DGKB: variants seen among roughly 807,000 people sequenced by gnomAD.
DGKB encodes 90 kDa diacylglycerol kinase.
A neutral mutation model predicts 114.3 loss-of-function variants in DGKB; 67 were observed. The ratio of observed to expected loss-of-function variants is 0.59; its 90% confidence interval spans 0.48 to 0.72. The LOEUF is 0.72. Ranked by LOEUF, DGKB falls within the 30% of genes least tolerant of loss-of-function variation. The pLI is 0.00. For missense variants in DGKB, 907 were observed against 975.2 expected, an observed-to-expected ratio of 0.93 and a Z score of 0.93; for synonymous variants, 398 against 323.1, an observed-to-expected ratio of 1.23 and a Z score of -2.49.
At chr7:14,406,359 G>A (rs773738606) in intron 21 of DGKB, among the ~76,000 whole-genome samples, 1 of 151,910 alleles carries the variant, frequency 6.6e-6, no homozygotes, top group Non-Finnish European at 1.5e-5. Flanking sequence ...TTAATACTTT[G>A]GGAAAATAAT....
chr7:14,546,750 A>G (rs1794352734), intron 20 of DGKB, among the ~76,000 whole-genome samples: 1 of 152,210 alleles, frequency 6.6e-6, no homozygotes, highest in Admixed American at 6.5e-5. Context: ...GAAAGATGCA[A>G]CAAGTGATAT....
chr7:14,164,593 A>C (rs1009685410), intron 25 of DGKB, among the ~76,000 whole-genome samples: 1 of 152,196 alleles, frequency 6.6e-6, no homozygotes, highest in Admixed American at 6.5e-5. Flanking sequence ...TAATTATGAA[A>C]GTTAAACATT....
chr7:14,463,832 C>A (rs1159567211), intron 21 of DGKB, among the ~76,000 whole-genome samples: 1 of 152,206 alleles, frequency 6.6e-6, no homozygotes, highest in African/African-American at 2.4e-5. Context: ...CCAGAAAAAT[C>A]ATTTAGTAGA....
intron 5 of DGKB, among the ~76,000 whole-genome samples, chr7:14,723,064 G>A (rs921052980): frequency 6.7e-6 from 1 of 148,980 alleles, no homozygotes; most frequent in African/African-American, 2.5e-5. Flanking sequence ...TCTGGCTGAA[G>A]CTCACTACTT....
At chr7:14,900,541 C>T (rs1241879284) in intron 1 of DGKB, among the ~76,000 whole-genome samples, 1 of 152,122 alleles carries the variant, frequency 6.6e-6, no homozygotes, top group Admixed American at 6.6e-5. Flanking sequence ...CAGCAGCTAT[C>T]TTCATCTGGC....
chr7:14,841,893 T>G (rs1187586810), intron 1 of DGKB, among the ~76,000 whole-genome samples: 1 of 152,168 alleles, frequency 6.6e-6, no homozygotes, highest in Non-Finnish European at 1.5e-5. Flanking sequence ...AGCAATCAAA[T>G]AAAGATTAAG....
At chr7:14,617,924 T>C (rs961795108) in intron 15 of DGKB, among the ~76,000 whole-genome samples, 4 of 151,688 alleles carry the variant, frequency 2.6e-5, no homozygotes, top group Non-Finnish European at 4.4e-5. Context: ...ATCTTTCTTA[T>C]CTTACTCAGC....
At chr7:14,787,521 C>A (rs1043576141) in intron 2 of DGKB, among the ~76,000 whole-genome samples, 1 of 152,136 alleles carries the variant, frequency 6.6e-6, no homozygotes, top group Non-Finnish European at 1.5e-5. Context: ...CATTGTTTCA[C>A]CACTGACAGA....
At chr7:14,365,190 A>C (rs1427366582) in intron 21 of DGKB, among the ~76,000 whole-genome samples, 3 of 151,936 alleles carry the variant, frequency 2.0e-5, no homozygotes, top group African/African-American at 7.2e-5. Flanking sequence ...AATGAGAATA[A>C]ATTTATTAAT....
intron 1 of DGKB, among the ~76,000 whole-genome samples, chr7:14,844,913 C>G (rs1848428512): frequency 6.6e-6 from 1 of 151,948 alleles, no homozygotes. Context: ...TCTAGACCAG[C>G]CTGGGCAACA....
At chr7:14,343,771 T>TA (rs1037471660) in intron 22 of DGKB, among the ~76,000 whole-genome samples, 1 of 150,524 alleles carries the variant, frequency 6.6e-6, no homozygotes, top group African/African-American at 2.4e-5. Context: ...GCAGTTTTTT[T>TA]AAAAAAATAA....
chr7:14,642,700 T>C (rs1382155137), intron 13 of DGKB, among the ~76,000 whole-genome samples: 4 of 152,332 alleles, frequency 2.6e-5, no homozygotes, highest in African/African-American at 4.8e-5. Context: ...TTGAATGGTA[T>C]TGTGAAATAA....
chr7:14,242,619 A>C (rs980709959), intron 23 of DGKB, among the ~76,000 whole-genome samples: 1 of 152,174 alleles, frequency 6.6e-6, no homozygotes, highest in East Asian at 1.9e-4. Context: ...GGTTGTTCAT[A>C]AATTATATTA....
At chr7:14,760,118 T>C (rs1318054743) in intron 2 of DGKB, among the ~76,000 whole-genome samples, 2 of 152,142 alleles carry the variant, frequency 1.3e-5, no homozygotes, top group African/African-American at 4.8e-5. Flanking sequence ...GTCTTTTTGT[T>C]GTGGACATCC....
rs1436223158 is a variant in DGKB, at chr7:14,667,204, C to T, written c.1134+5725G>A. On this transcript the variant is annotated intron_variant, in intron 13 of 25. Coordinates refer to ENST00000402815, the MANE Select transcript of DGKB (RefSeq NM_001350709.2). ...CAACGATTGGGGAGGAATGGGAAGG[C>T]TGAGAAGGGTGGTACAAATTTTTTT... Among the ~76,000 whole-genome samples the T allele has an allele frequency of 2.0e-5, 3 of 151,816 alleles. No homozygotes were observed. In the East Asian group the frequency reaches 5.8e-4, roughly 29 times the overall value.
chr7:14,464,300 C>T (rs909828936), intron 21 of DGKB, among the ~76,000 whole-genome samples: 1 of 152,056 alleles, frequency 6.6e-6, no homozygotes, highest in African/African-American at 2.4e-5. Flanking sequence ...GTACATGAAA[C>T]TTTCTGGTAT....
At chr7:14,290,728 G>T (rs551506723) in intron 23 of DGKB, among the ~76,000 whole-genome samples, 1 of 152,206 alleles carries the variant, frequency 6.6e-6, no homozygotes, top group Admixed American at 6.5e-5. Flanking sequence ...TACAAGCAAA[G>T]ATAACTGTCT....
At chr7:14,735,602 A>G (rs569326845) in intron 5 of DGKB, among the ~76,000 whole-genome samples, 252 of 152,354 alleles carry the variant, frequency 1.7e-3, no homozygotes, top group African/African-American at 5.8e-3. Flanking sequence ...AGTATCTAAA[A>G]GAAAAATCAA....
At chr7:14,922,298 C>T (rs1784541893) in intron 1 of DGKB, among the ~76,000 whole-genome samples, 1 of 151,392 alleles carries the variant, frequency 6.6e-6, no homozygotes. Context: ...GTGCCATGTA[C>T]GTCTATACTC....
Sources: gnomAD v4.1 joint callset for allele counts (sites outside exome capture counted in the v4.1 genomes callset) on GRCh38, gnomAD v4.1.1 for gene constraint, MANE v1.5 for transcripts, NCBI Gene and HGNC (gene_info 2026-07-23, HGNC 2026-07-21) for gene names.